Variants in FBXO25 observed in about 807,000 individuals in gnomAD.
The protein encoded by FBXO25 is F-box only protein 25.
Under a neutral mutation model 51.9 loss-of-function variants are expected in FBXO25, and 45 were observed. That is an observed-to-expected ratio of 0.87 (90% confidence interval 0.68 to 1.11). The LOEUF (loss-of-function observed/expected upper bound fraction) is 1.11. FBXO25 is among the 50% of genes most tolerant of loss of function. The pLI is 0.00. For missense variants in FBXO25, 507 were observed against 428.5 expected (o/e 1.18, Z -1.62); for synonymous variants, 199 against 151.0 (o/e 1.32, Z -2.33).
At chr8:417,311 CAG>C in intron 2 of FBXO25, among the ~76,000 whole-genome samples, 1 of 152,234 alleles carries the variant, frequency 6.6e-6, no homozygotes, top group African/African-American at 2.4e-5. Context: ...GTGTTAAAAA[CAG>C]ACTTCCAAGA....
rs1052591687 is a variant in FBXO25 at position 472,404 on chromosome 8, C to T, written c.*3600C>T. The T allele has an allele frequency of 1.3e-5, 2 of 152,220 alleles. No homozygotes were observed. The highest frequency in any genetic ancestry group is 2.9e-5 in the Non-Finnish European group (2 of 68,052). 9.4% of individuals were successfully genotyped at this position (152,220 alleles called of 1,614,324 possible). A position where few individuals can be genotyped will look rare whatever the true frequency, so the allele number is the denominator to read the frequency against. ...AACCTTGCATTCTTGGGTCAAAGCC[C>T]ACTAAGTCATGGTTTATGATACCTT... On this transcript the variant is annotated 3_prime_UTR_variant, in exon 10 of 10. Transcript: ENST00000350302.
At chr8:467,989 G>A (rs1227593307) in intron 9 of FBXO25, 39 of 1,361,842 alleles carry the variant, frequency 2.9e-5, no homozygotes, top group South Asian at 9.5e-5. Context: ...CTAGATGTGC[G>A]CATAAACACT....
intron 8 of FBXO25, among the ~76,000 whole-genome samples, chr8:458,861 T>A (rs1460603167): frequency 6.6e-6 from 1 of 152,220 alleles, no homozygotes; most frequent in Non-Finnish European, 1.5e-5. Context: ...CCTTTTCTCC[T>A]GATTTGATGA....
Position 433,993 on chromosome 8 carries a change from C to G in FBXO25, c.288+1058C>G, listed in dbSNP as rs181461370. ...GAAAGACCATTAAATATTTCATCTG[C>G]TCTGTTGCCATACTGATTACAGAAC... is the stretch of plus-strand genomic sequence containing the variant. On this transcript the variant is annotated intron_variant, in intron 4 of 9. Transcript: ENST00000350302. Among the ~76,000 whole-genome samples, 9 of 152,326 alleles carry G rather than the reference C, an allele frequency of 5.9e-5. No homozygotes were observed. The East Asian group carries it at 1.7e-3, about 29-fold the overall frequency.
At chr8:440,286 T>A (rs182569600) in intron 5 of FBXO25, among the ~76,000 whole-genome samples, 1 of 152,252 alleles carries the variant, frequency 6.6e-6, no homozygotes, top group Non-Finnish European at 1.5e-5. Flanking sequence ...CATAGGAAGC[T>A]CTTGGAACAG....
rs1447692700 is a variant in FBXO25 at position 468,783 on chromosome 8, C to G, written c.1056C>G (p.Phe352Leu). 1 of 1,614,072 alleles carries G rather than the reference C, an allele frequency of 6.2e-7. No homozygotes were observed. Among genetic ancestry groups the G allele is most frequent in the Admixed American group, 1.7e-5 (1 of 60,020 alleles). ...SCFTPVSPQH[F>L]IDLFKF ...TCACGCCTGTGTCTCCGCAGCACTT[C>G]ATCGACCTCTTCAAGTTTTAAGGGC... The change falls in exon 10 of 10, where the codon TTC becomes TTG. Residue 352 changes from phenylalanine (F) to leucine (L), a missense_variant. Coordinates refer to ENST00000350302, the MANE Select transcript of FBXO25 (RefSeq NM_183420.2).
At chr8:414,550 A>T (rs912921617) in intron 2 of FBXO25, among the ~76,000 whole-genome samples, 1 of 152,104 alleles carries the variant, frequency 6.6e-6, no homozygotes, top group Non-Finnish European at 1.5e-5. Flanking sequence ...TTTTTCCCTC[A>T]TGTATTCTTT....
At chr8:460,214 A>G (rs1476036196) in intron 8 of FBXO25, among the ~76,000 whole-genome samples, 1 of 152,176 alleles carries the variant, frequency 6.6e-6, no homozygotes, top group Non-Finnish European at 1.5e-5. Context: ...TTATACATCT[A>G]GACCCTAAAC....
At chr8:449,347 G>A (rs1373356081) in intron 5 of FBXO25, among the ~76,000 whole-genome samples, 8 of 152,206 alleles carry the variant, frequency 5.3e-5, no homozygotes, top group Non-Finnish European at 7.3e-5. Flanking sequence ...CGAGGGCCTC[G>A]GTCATCATTC....
intron 7 of FBXO25, among the ~76,000 whole-genome samples, chr8:453,131 A>T: frequency 6.6e-6 from 1 of 152,244 alleles, no homozygotes; most frequent in Middle Eastern, 3.2e-3. Context: ...GTGTTACTGT[A>T]GTGCCATTTT....
intron 5 of FBXO25, among the ~76,000 whole-genome samples, chr8:444,060 G>T (rs1798593405): frequency 1.3e-5 from 2 of 152,140 alleles, no homozygotes; most frequent in South Asian, 4.1e-4. Context: ...CTAGAGCAGG[G>T]ATAATAGTAA....
At chr8:450,530 A>C (rs1195139222) in intron 6 of FBXO25, among the ~76,000 whole-genome samples, 1 of 152,226 alleles carries the variant, frequency 6.6e-6, no homozygotes, top group Non-Finnish European at 1.5e-5. Flanking sequence ...GACTTTATAC[A>C]TGCATAGGAA....
rs1400655305 is a variant in FBXO25 at position 432,941 on chromosome 8, T to C, written c.288+6T>C. ...ATAAAGAAAGCACAAAGGAAGTAAGTATTCTATTATAAATATGAGAGTATC... is the reference window on the plus strand; with the variant it reads ...ATAAAGAAAGCACAAAGGAAGTAAGCATTCTATTATAAATATGAGAGTATC... On this transcript the variant is annotated splice_donor_region_variant and intron_variant, in intron 4 of 9. Transcript: ENST00000350302. 6.4e-7 allele frequency: 1 copy of C among 1,554,356 alleles called. No homozygotes were observed. Among genetic ancestry groups the C allele is most frequent in the South Asian group, 1.2e-5 (1 of 81,942 alleles).
intron 2 of FBXO25, among the ~76,000 whole-genome samples, chr8:425,694 A>G (rs534217699): frequency 6.6e-6 from 1 of 151,858 alleles, no homozygotes; most frequent in Non-Finnish European, 1.5e-5. Flanking sequence ...TAAATTCTCT[A>G]TATATTTTCC....
At chr8:429,759 A>C (rs1444615236) in intron 2 of FBXO25, among the ~76,000 whole-genome samples, 1 of 152,236 alleles carries the variant, frequency 6.6e-6, no homozygotes, top group Non-Finnish European at 1.5e-5. Flanking sequence ...AGACTCCCCA[A>C]GGCCCTAATG....
intron 1 of FBXO25, among the ~76,000 whole-genome samples, chr8:408,981 A>G (rs557828958): frequency 6.6e-5 from 10 of 152,348 alleles, no homozygotes; most frequent in East Asian, 3.9e-4. Flanking sequence ...TAATTAAAAT[A>G]AGCGTATAAA....
chr8:416,462 T>C (rs762554511), intron 2 of FBXO25, among the ~76,000 whole-genome samples: 1 of 152,264 alleles, frequency 6.6e-6, no homozygotes, highest in Non-Finnish European at 1.5e-5. Context: ...GGCTTATTTT[T>C]GTTAATTATC....
At chr8:417,695 C>T (rs12546669) in intron 2 of FBXO25, among the ~76,000 whole-genome samples, 9,572 of 152,264 alleles carry the variant, frequency 0.063, 324 homozygotes, top group Middle Eastern at 0.082. Context: ...GCATGTTCAT[C>T]CTTTTCCTCC....
rs918462881 is a variant in FBXO25, at chr8:477,102, T to C, written c.*8298T>C. The C allele has an allele frequency of 6.6e-6, 1 of 152,258 alleles. No homozygotes were observed. Among genetic ancestry groups the C allele is most frequent in the Non-Finnish European group, 1.5e-5 (1 of 68,042 alleles). 9.4% of individuals were successfully genotyped at this position (152,258 alleles called of 1,614,324 possible). The stretch of plus-strand genomic sequence containing the variant: ...CATAATTGTGTACTTTTCAGTTTTT[T>C]GTCTGTTACTGATTTCTAGTTTCAT... On this transcript the variant is annotated 3_prime_UTR_variant, in exon 10 of 10. Coordinates refer to ENST00000350302, the MANE Select transcript of FBXO25 (RefSeq NM_183420.2).
Sources: gnomAD v4.1 joint callset for allele counts (sites outside exome capture counted in the v4.1 genomes callset) on GRCh38, gnomAD v4.1.1 for gene constraint, MANE v1.5 for transcripts, NCBI Gene and HGNC (gene_info 2026-07-23, HGNC 2026-07-21) for gene names.